The following FOXP2 variants were observed in gnomAD, a reference collection of about 807,000 sequenced individuals.
The protein encoded by FOXP2 is forkhead box P2.
A neutral mutation model predicts 115.8 loss-of-function variants in FOXP2; 12 were observed. The ratio of observed to expected loss-of-function variants is 0.10; its 90% confidence interval spans 0.07 to 0.17. The LOEUF is 0.17. Ranked by LOEUF, FOXP2 falls within the 10% of genes least tolerant of loss-of-function variation. The probability of loss-of-function intolerance (pLI) is 1.00; values close to 1 mark genes in which losing one functional copy is unlikely to be tolerated. For missense variants in FOXP2, 629 were observed against 843.5 expected, an observed-to-expected ratio of 0.75 and a Z score of 3.15; for synonymous variants, 328 against 297.7, an observed-to-expected ratio of 1.10 and a Z score of -1.05.
intron 2 of FOXP2, among the ~76,000 whole-genome samples, chr7:114,500,774 C>G (rs976099961): frequency 2.0e-5 from 3 of 152,116 alleles, no homozygotes; most frequent in Admixed American, 6.5e-5. Context: ...GACAAACAAA[C>G]AAGCATTTTT....
rs558635701 is a variant in FOXP2, at chr7:114,378,826, C to CT, written c.-10-47663dup. Reference sequence around the variant, plus strand: ...TTAAGGCACTGCTTGTTGCTTTTTGCTTTTTTTTTTTTTCCAAATTGATGT... The same window carrying CT: ...TTAAGGCACTGCTTGTTGCTTTTTGCTTTTTTTTTTTTTTCCAAATTGATGT... On this transcript the variant is annotated intron_variant, in intron 2 of 17. Coordinates refer to the FOXP2 transcript ENST00000634411. Among the ~76,000 whole-genome samples, 1,011 of 139,110 alleles carry CT rather than the reference C, an allele frequency of 7.3e-3. 7 individuals carry two copies. Among genetic ancestry groups the CT allele is most frequent in the African/African-American group, 0.018 (676 of 38,354 alleles). 91.3% of individuals were successfully genotyped at this position (139,110 alleles called of 152,430 possible).
chr7:114,459,818 G>A (rs949014255), intron 2 of FOXP2, among the ~76,000 whole-genome samples: 1 of 152,096 alleles, frequency 6.6e-6, no homozygotes, highest in Non-Finnish European at 1.5e-5. Flanking sequence ...GATTCACCAT[G>A]TTGGTCCGGT....
upstream of FOXP2, chr7:114,162,872 C>A (rs1792879167): frequency 6.6e-6 from 1 of 151,730 alleles, no homozygotes; most frequent in South Asian, 2.1e-4. Context: ...AAGCTTCAAC[C>A]CCCCAGTACA....
chr7:114,423,394 G>A (rs920569784), intron 1 of FOXP2, among the ~76,000 whole-genome samples: 2 of 151,558 alleles, frequency 1.3e-5, no homozygotes, highest in African/African-American at 4.8e-5. Flanking sequence ...AAAAGGAAAG[G>A]AAGGAAAACT....
chr7:114,157,145 C>G (rs1357227802), intron 1 of FOXP2, among the ~76,000 whole-genome samples: 1 of 152,054 alleles, frequency 6.6e-6, no homozygotes, highest in African/African-American at 2.4e-5. Context: ...TGTCAAATGA[C>G]TCAGTAATTT....
At chr7:114,151,739 A>G (rs1473679719) in intron 1 of FOXP2, among the ~76,000 whole-genome samples, 1 of 152,152 alleles carries the variant, frequency 6.6e-6, no homozygotes, top group Non-Finnish European at 1.5e-5. Flanking sequence ...TAAACATTGT[A>G]GGTTTGTGAT....
intron 2 of FOXP2, among the ~76,000 whole-genome samples, chr7:114,457,669 C>A (rs567964021): frequency 6.6e-6 from 1 of 152,072 alleles, no homozygotes; most frequent in Non-Finnish European, 1.5e-5. Flanking sequence ...GAGGCCAAGG[C>A]GGGCAGATCA....
chr7:114,101,429 C>T (rs1790953741), intron 1 of FOXP2, among the ~76,000 whole-genome samples: 1 of 151,968 alleles, frequency 6.6e-6, no homozygotes, highest in African/African-American at 2.4e-5. Context: ...CAGACTTTCT[C>T]CATACTTTTC....
chr7:114,482,201 G>A (rs1354489369), intron 2 of FOXP2, among the ~76,000 whole-genome samples: 2 of 151,398 alleles, frequency 1.3e-5, no homozygotes, highest in Non-Finnish European at 1.5e-5. Flanking sequence ...ACTAGTGATT[G>A]AGGAGAAAAT....
intron 1 of FOXP2, among the ~76,000 whole-genome samples, chr7:114,101,437 TTCTTGGTCCAGA>T (rs1660690185): frequency 6.6e-6 from 1 of 152,230 alleles, no homozygotes; most frequent in East Asian, 1.9e-4. Context: ...CTCCATACTT[TTCTTGGTCCAGA>T]TATTGTGCAG....
intron 7 of FOXP2, among the ~76,000 whole-genome samples, chr7:114,643,112 A>G (rs1168957139): frequency 6.6e-6 from 1 of 151,832 alleles, no homozygotes; most frequent in East Asian, 1.9e-4. Context: ...TGCCCGGCCT[A>G]TATTCTTTAT....
intron 2 of FOXP2, among the ~76,000 whole-genome samples, chr7:114,314,556 T>TTA (rs1455806582): frequency 6.6e-6 from 1 of 152,178 alleles, no homozygotes; most frequent in Non-Finnish European, 1.5e-5. Flanking sequence ...AGATATAGTC[T>TTA]TATATGAAAT....
chr7:114,599,672 C>A (rs1802918451), intron 3 of FOXP2, among the ~76,000 whole-genome samples: 1 of 152,086 alleles, frequency 6.6e-6, no homozygotes, highest in African/African-American at 2.4e-5. Flanking sequence ...AACAGGCAAA[C>A]AAGTCCATCT....
intron 12 of FOXP2, 53 bp from the exon 13 acceptor site, chr7:114,659,519 G>A: frequency 6.3e-7 from 1 of 1,576,058 alleles, no homozygotes. Flanking sequence ...GTGTCATCTA[G>A]TCTAGTTAGT....
At chr7:114,212,259 G>A (rs570439677) in intron 1 of FOXP2, among the ~76,000 whole-genome samples, 1 of 151,704 alleles carries the variant, frequency 6.6e-6, no homozygotes, top group South Asian at 2.1e-4. Context: ...CGTCTGCTGT[G>A]TTTCTGCTAA....
intron 3 of FOXP2, among the ~76,000 whole-genome samples, chr7:114,578,993 A>G (rs1040390427): frequency 3.9e-5 from 6 of 152,174 alleles, no homozygotes; most frequent in Admixed American, 3.3e-4. Context: ...AATAAGCCTA[A>G]TGGTTACCAA....
chr7:114,340,034 T>TTG (rs1346100106), intron 2 of FOXP2, among the ~76,000 whole-genome samples: 1 of 151,242 alleles, frequency 6.6e-6, no homozygotes, highest in Non-Finnish European at 1.5e-5. Context: ...CATTTGACTT[T>TTG]AAATAGCAAC....
chr7:114,625,363 A>T (rs1445283187), intron 3 of FOXP2, among the ~76,000 whole-genome samples: 3 of 151,760 alleles, frequency 2.0e-5, no homozygotes, highest in East Asian at 3.9e-4. Context: ...GTGATCCCTT[A>T]TTAGAATATT....
intron 3 of FOXP2, among the ~76,000 whole-genome samples, chr7:114,537,836 T>A (rs1487829816): frequency 6.6e-6 from 1 of 151,670 alleles, no homozygotes; most frequent in Admixed American, 6.6e-5. Context: ...AGCAAGTACA[T>A]TGATTAATGG....
Sources: gnomAD v4.1 joint callset for allele counts (sites outside exome capture counted in the v4.1 genomes callset) on GRCh38, gnomAD v4.1.1 for gene constraint, MANE v1.5 for transcripts, NCBI Gene and HGNC (gene_info 2026-07-23, HGNC 2026-07-21) for gene names.